The following LELP1 variants were observed in gnomAD, a reference collection of about 807,000 sequenced individuals.
LELP1 encodes the protein late cornified envelope like proline rich 1, also known as late cornified envelope-like proline-rich protein 1.
In LELP1, 1 loss-of-function variant was observed where a neutral mutation model predicts 0.3. That is an observed-to-expected ratio of 2.87 (90% CI 1.02 to 13.63). The LOEUF (loss-of-function observed/expected upper bound fraction) is 13.63. Among genes scored for constraint, LELP1 ranks in the 30% most tolerant of loss-of-function variants. The pLI is 0.12. For missense variants in LELP1, 122 were observed against 118.7 expected, an observed-to-expected ratio of 1.03 and a Z score of -0.13; for synonymous variants, 57 against 45.9, an observed-to-expected ratio of 1.24 and a Z score of -0.97.
rs758221312 is a variant in LELP1, at chr1:153,204,691, C to T, written c.-17C>T. On this transcript the variant is annotated 5_prime_UTR_variant, in exon 2 of 2. Transcript: ENST00000368747. ...GCATCTCATATTTCTTTGCAGGGCT[C>T]AGATAATCAAGAAACAATGTCGAGT... 6.2e-6 allele frequency: 10 copies of T among 1,610,058 alleles called. No individual in the cohort carries two copies. The highest frequency in any genetic ancestry group is 2.7e-5 in the African/African-American group (2 of 74,692).
chr1:153,203,659 T>G (rs1657697308), intron 1 of LELP1, 128 bp downstream of exon 1: 1 of 152,172 alleles, frequency 6.6e-6, no homozygotes, highest in South Asian at 2.1e-4. Flanking sequence ...TCCTGTTATT[T>G]TCAGTGGTAA....
Position 153,204,667 on chromosome 1 carries a change from C to A in LELP1, c.-21-20C>A, listed in dbSNP as rs1247019797. ...TAGGTATCCTCTCCCACCTACAATGCATCTCATATTTCTTTGCAGGGCTCA... is the reference window on the plus strand; with the variant it reads ...TAGGTATCCTCTCCCACCTACAATGAATCTCATATTTCTTTGCAGGGCTCA... On this transcript the variant is annotated intron_variant, in intron 1 of 1. Coordinates refer to ENST00000368747, the MANE Select transcript of LELP1 (RefSeq NM_001010857.3). The A allele has an allele frequency of 6.4e-7, 1 of 1,556,958 alleles. No homozygotes were observed. The highest frequency in any genetic ancestry group is 1.1e-5 in the South Asian group (1 of 89,526).
intron 1 of LELP1, among the ~76,000 whole-genome samples, chr1:153,203,802 A>G (rs559442056): frequency 2.6e-5 from 4 of 152,228 alleles, no homozygotes; most frequent in Non-Finnish European, 5.9e-5. Flanking sequence ...GTTAAAAGAA[A>G]TCAAAGAAAT....
At chr1:153,204,536 A>C (rs890602035) in intron 1 of LELP1, among the ~76,000 whole-genome samples, 151 bp from the exon 2 acceptor site, 2 of 152,116 alleles carry the variant, frequency 1.3e-5, no homozygotes, top group African/African-American at 4.8e-5. Context: ...TGCTATCTCA[A>C]ACTCATACAA....
chr1:153,203,949 A>C (rs906511041), intron 1 of LELP1, among the ~76,000 whole-genome samples: 1 of 152,190 alleles, frequency 6.6e-6, no homozygotes, highest in African/African-American at 2.4e-5. Flanking sequence ...CCCTTCTGAA[A>C]ATCACATTTT....
chr1:153,204,501 A>C (rs1428509181), intron 1 of LELP1, among the ~76,000 whole-genome samples, 186 bp from the exon 2 acceptor site: 8 of 152,156 alleles, frequency 5.3e-5, no homozygotes, highest in Non-Finnish European at 1.2e-4. Flanking sequence ...AAGGAAGCAG[A>C]GTTAAGGGTG....
rs752172456 is a variant in LELP1 at position 153,204,989 on chromosome 1, C to A, written c.282C>A (p.Cys94Ter). The A allele has an allele frequency of 4.3e-6, 7 of 1,612,706 alleles. No individual in the cohort carries two copies. The South Asian group carries it at 7.7e-5, about 18-fold the overall frequency. The change falls in exon 2 of 2, where the codon TGC becomes TGA. Residue 94 changes from cysteine (C) to a stop codon, truncating the protein, a stop_gained. Transcript: ENST00000368747. LOFTEE classifies it high-confidence loss of function. ...SSCPHACPPP[C>*]PPPE ...GCCCACATGCTTGCCCACCTCCCTGCCCTCCCCCAGAGTGAGGCACTGTGG... is the reference window on the plus strand; with the variant it reads ...GCCCACATGCTTGCCCACCTCCCTGACCTCCCCCAGAGTGAGGCACTGTGG...
chr1:153,203,887 C>T (rs767736009), intron 1 of LELP1, among the ~76,000 whole-genome samples: 6 of 152,046 alleles, frequency 3.9e-5, no homozygotes, highest in Non-Finnish European at 4.4e-5. Context: ...TTAAACTGTC[C>T]GTGCAGAAAT....
At position 153,204,929 on chromosome 1, in the gene LELP1, C is replaced by T. The variant is rs1203547161; in HGVS notation, c.222C>T (p.Cys74=). The T allele has an allele frequency of 3.1e-6, 5 of 1,613,652 alleles. No homozygotes were observed. The African/African-American group carries it at 5.3e-5, about 17-fold the overall frequency. Residue 74 remains cysteine (C), a synonymous_variant, in exon 2 of 2, where the codon TGC becomes TGT. Transcript: ENST00000368747. ...QSPSSCPPQP[C]TKPCPPKCPS... ...CTTCATCCTGCCCTCCCCAGCCCTG[C>T]ACCAAGCCCTGTCCTCCTAAATGCC...
chr1:153,203,955 A>G (rs972209323), intron 1 of LELP1, among the ~76,000 whole-genome samples: 3 of 152,138 alleles, frequency 2.0e-5, no homozygotes, highest in Non-Finnish European at 2.9e-5. Flanking sequence ...TGAAAATCAC[A>G]TTTTGTGGCT....
chr1:153,203,900 C>G (rs1657701322), intron 1 of LELP1, among the ~76,000 whole-genome samples: 1 of 152,178 alleles, frequency 6.6e-6, no homozygotes, highest in African/African-American at 2.4e-5. Context: ...GCAGAAATGC[C>G]TAGCTCAGGG....
In LELP1 at chr1:153,204,960, T is replaced by A. The variant is rs969934817; in HGVS notation, c.253T>A (p.Ser85Thr). ...GCCCTGTCCTCCTAAATGCCCTTCA[T>A]CCTGCCCACATGCTTGCCCACCTCC... ...TKPCPPKCPS[S>T]CPHACPPPCP... The change falls in exon 2 of 2, where the codon TCC becomes ACC. Residue 85 changes from serine to threonine, a missense_variant. By Grantham distance (58) the Ser-to-Thr change is moderately conservative. Coordinates refer to ENST00000368747, the MANE Select transcript of LELP1 (RefSeq NM_001010857.3). 3 of 1,613,940 alleles carry A rather than the reference T, an allele frequency of 1.9e-6. No homozygotes were observed. The highest frequency in any genetic ancestry group is 2.5e-6 in the Non-Finnish European group (3 of 1,179,950).
intron 1 of LELP1, among the ~76,000 whole-genome samples, chr1:153,204,150 C>T (rs1240471570): frequency 6.6e-6 from 1 of 152,124 alleles, no homozygotes; most frequent in Non-Finnish European, 1.5e-5. Flanking sequence ...GTAAAGAAAG[C>T]AATTCTCAAG....
intron 1 of LELP1, among the ~76,000 whole-genome samples, chr1:153,203,910 G>A (rs1350193733): frequency 6.6e-6 from 1 of 152,162 alleles, no homozygotes; most frequent in Non-Finnish European, 1.5e-5. Context: ...CTAGCTCAGG[G>A]CAAAACTCAA....
In LELP1 at chr1:153,205,002, T is replaced by G; in HGVS notation, c.295T>G (p.Ter99GlyextTer25). 1 of 1,609,972 alleles carries G rather than the reference T, an allele frequency of 6.2e-7. No individual in the cohort carries two copies. The change falls in exon 2 of 2, where the codon TGA (stop) becomes GGA (glycine). Residue 99 changes from the stop codon to glycine (G), a stop_lost. Coordinates refer to ENST00000368747, the MANE Select transcript of LELP1 (RefSeq NM_001010857.3). ...CCCACCTCCCTGCCCTCCCCCAGAG[T>G]GAGGCACTGTGGGCACTACCCAACC... ...ACPPPCPPPE* is the reference protein window; with the variant it reads ...ACPPPCPPPEG
chr1:153,204,919 C>T lies in LELP1; in HGVS notation c.212C>T (p.Pro71Leu). 2 of 1,613,992 alleles carry T rather than the reference C, an allele frequency of 1.2e-6. No individual in the cohort carries two copies. Among genetic ancestry groups the T allele is most frequent in the East Asian group, 2.2e-5 (1 of 44,870 alleles). Residue 71 changes from proline (P) to leucine (L), a missense_variant, in exon 2 of 2, where the codon CCC (proline) becomes CTC (leucine). Physicochemically the swap from Pro to Leu is moderately conservative, Grantham distance 98. Transcript: ENST00000368747. The stretch of plus-strand genomic sequence containing the variant: ...TCGCAGTCTCCTTCATCCTGCCCTC[C>T]CCAGCCCTGCACCAAGCCCTGTCCT... The part of the protein sequence containing the change: ...CPSQSPSSCP[P>L]QPCTKPCPPK...
In LELP1 at chr1:153,204,965, C is replaced by A. The variant is rs1386050401; in HGVS notation, c.258C>A (p.Cys86Ter). ...KPCPPKCPSS[C>*]PHACPPPCPP... is the part of the protein sequence containing the mutation. Reference sequence around the variant, plus strand: ...GTCCTCCTAAATGCCCTTCATCCTGCCCACATGCTTGCCCACCTCCCTGCC... The same window carrying A: ...GTCCTCCTAAATGCCCTTCATCCTGACCACATGCTTGCCCACCTCCCTGCC... Residue 86 changes from cysteine to a stop codon, truncating the protein, a stop_gained, in exon 2 of 2, where the codon TGC (cysteine) becomes TGA (stop). Coordinates refer to ENST00000368747, the MANE Select transcript of LELP1 (RefSeq NM_001010857.3). LOFTEE classifies it high-confidence loss of function. The A allele has an allele frequency of 6.2e-7, 1 of 1,613,950 alleles. No individual in the cohort carries two copies. The highest frequency in any genetic ancestry group is 1.7e-5 in the Admixed American group (1 of 60,010).
chr1:153,203,735 C>T (rs561721691), intron 1 of LELP1, among the ~76,000 whole-genome samples: 2 of 151,846 alleles, frequency 1.3e-5, no homozygotes, highest in East Asian at 1.9e-4. Context: ...TAATAATATG[C>T]CTCCCCAGAG....
chr1:153,204,977 C>T lies in LELP1; in HGVS notation c.270C>T (p.Cys90=). 1 of 1,613,414 alleles carries T rather than the reference C, an allele frequency of 6.2e-7. No homozygotes were observed. Among genetic ancestry groups the T allele is most frequent in the African/African-American group, 1.3e-5 (1 of 74,966 alleles). The stretch of plus-strand genomic sequence containing the variant: ...GCCCTTCATCCTGCCCACATGCTTG[C>T]CCACCTCCCTGCCCTCCCCCAGAGT... ...PKCPSSCPHA[C]PPPCPPPE The change falls in exon 2 of 2, where the codon TGC becomes TGT. Residue 90 remains cysteine, a synonymous_variant. Transcript: ENST00000368747.
Sources: allele counts gnomAD v4.1 joint callset (sites outside exome capture counted in the v4.1 genomes callset), GRCh38; gene constraint gnomAD v4.1.1; transcripts MANE v1.5; gene names NCBI Gene and HGNC (gene_info 2026-07-23, HGNC 2026-07-21).